The following BCAS3 variants were observed in gnomAD, a reference collection of about 807,000 sequenced individuals.
BCAS3 encodes the protein BCAS4/BCAS3 fusion.
A neutral mutation model predicts 116.1 loss-of-function variants in BCAS3; 53 were observed. That is an observed-to-expected ratio of 0.46 (90% CI 0.37 to 0.57). BCAS3 has a LOEUF of 0.57. Among genes scored for constraint, BCAS3 ranks in the 20% least tolerant of loss-of-function variants. The pLI is 0.00. For synonymous variants in BCAS3, 391 were observed against 408.2 expected (o/e 0.96, Z 0.51); for missense variants, 917 against 1,165.4 (o/e 0.79, Z 3.10).
At chr17:60,827,007 G>T (rs1340517655) in intron 7 of BCAS3, among the ~76,000 whole-genome samples, 1 of 152,112 alleles carries the variant, frequency 6.6e-6, no homozygotes, top group Non-Finnish European at 1.5e-5. Flanking sequence ...TTAACGTAAG[G>T]TTTATACTCC....
intron 5 of BCAS3, among the ~76,000 whole-genome samples, chr17:60,739,253 T>C (rs536685141): frequency 4.3e-4 from 66 of 152,332 alleles, no homozygotes; most frequent in African/African-American, 1.4e-3. Context: ...CATATATACA[T>C]ACACATACAT....
At chr17:61,052,009 G>A (rs1466885642) in intron 19 of BCAS3, among the ~76,000 whole-genome samples, 1 of 151,988 alleles carries the variant, frequency 6.6e-6, no homozygotes, top group Non-Finnish European at 1.5e-5. Flanking sequence ...AAAAACAATA[G>A]AGAAAAAGCA....
rs1227148000 is a variant in BCAS3, at chr17:61,151,120, TA to T, written c.2425+66557del. Among the ~76,000 whole-genome samples, 7 of 152,346 alleles carry T rather than the reference TA, an allele frequency of 4.6e-5. No individual in the cohort carries two copies. In the East Asian group the frequency reaches 1.3e-3, roughly 29 times the overall value. ...TGACTGTTACTGCTACTACTACTGC[TA>T]TTACAGGTTGACCATCCCAAATCCA... On this transcript the variant is annotated intron_variant, in intron 22 of 23. Transcript: ENST00000407086. The surrounding 1 kb of genome is among the most constrained non-coding windows in gnomAD (Gnocchi z 4.8).
rs1371353665 is a variant in BCAS3, at chr17:60,995,212, G to A, written c.1486+4977G>A. Reference sequence around the variant, plus strand: ...CTGTCTCCCAGGCTAGAGTGCAGTGGTGCAATCTTGGCTTGCTGCAACCTC... The same window carrying A: ...CTGTCTCCCAGGCTAGAGTGCAGTGATGCAATCTTGGCTTGCTGCAACCTC... On this transcript the variant is annotated intron_variant, in intron 15 of 23. Transcript: ENST00000407086. The surrounding 1 kb of genome is among the most constrained non-coding windows in gnomAD (Gnocchi z 4.7). 3.3e-5 allele frequency among the ~76,000 whole-genome samples: 5 copies of A among 152,044 alleles called. No homozygotes were observed. Among genetic ancestry groups the A allele is most frequent in the African/African-American group, 1.2e-4 (5 of 41,388 alleles).
At position 61,172,787 on chromosome 17, in the gene BCAS3, A is replaced by C. The variant is rs190983543; in HGVS notation, c.2425+88223A>C. Reference sequence around the variant, plus strand: ...GATCACGAGGTCCGGAGATCGAGACAATCCTGGCTAACACGGTGAAACCCA... The same window carrying C: ...GATCACGAGGTCCGGAGATCGAGACCATCCTGGCTAACACGGTGAAACCCA... On this transcript the variant is annotated intron_variant, in intron 22 of 23. Transcript: ENST00000407086. 1.8e-3 allele frequency among the ~76,000 whole-genome samples: 275 copies of C among 150,768 alleles called. 2 individuals are homozygous for C. The highest frequency in any genetic ancestry group is 5.4e-3 in the African/African-American group (224 of 41,110).
intron 12 of BCAS3, among the ~76,000 whole-genome samples, chr17:60,916,035 G>C (rs1279734437): frequency 1.3e-5 from 2 of 152,044 alleles, no homozygotes; most frequent in African/African-American, 4.8e-5. Flanking sequence ...GAATGTGTCA[G>C]TTTGTTCAAT....
intron 10 of BCAS3, among the ~76,000 whole-genome samples, chr17:60,902,057 A>G (rs1379865941): frequency 6.6e-6 from 1 of 152,224 alleles, no homozygotes; most frequent in African/African-American, 2.4e-5. Context: ...TGTCTTTTTC[A>G]TTCCTAATGG....
intron 10 of BCAS3, among the ~76,000 whole-genome samples, chr17:60,890,409 G>A (rs533540861): frequency 6.6e-6 from 1 of 151,812 alleles, no homozygotes; most frequent in Admixed American, 6.6e-5. Context: ...AGCTGAGATC[G>A]CACCACTGCA....
At chr17:61,297,204 T>C (rs1163000252) in intron 22 of BCAS3, among the ~76,000 whole-genome samples, 1 of 152,128 alleles carries the variant, frequency 6.6e-6, no homozygotes, top group Non-Finnish European at 1.5e-5. Context: ...TAGAATGCAA[T>C]AGAAAGGTGG....
rs1336538222 is a variant in BCAS3, at chr17:60,961,538, A to AG, written c.1221+14187dup. On this transcript the variant is annotated intron_variant, in intron 14 of 23. Transcript: ENST00000407086. This position sits in a 1 kb window ranked among gnomAD's most constrained non-coding sequence, Gnocchi z 4.8. ...AAATTTTCAATTTTGGAATCATTTT[A>AG]GAGTTACAGAAAAGTTGCAAAGATA... Among the ~76,000 whole-genome samples the AG allele has an allele frequency of 5.3e-5, 8 of 152,142 alleles. No homozygotes were observed. Among genetic ancestry groups the AG allele is most frequent in the Admixed American group, 1.3e-4 (2 of 15,274 alleles).
chr17:61,388,591 A>C lies in BCAS3; in HGVS notation c.2594-3386A>C. ...CGTTGTCCATATCTTTTCCAAAAAG[A>C]TTCCTCAATGCTTTTCTTTTCAAAA... On this transcript the variant is annotated intron_variant, in intron 23 of 23. Transcript: ENST00000407086. The surrounding 1 kb of genome is among the most constrained non-coding windows in gnomAD (Gnocchi z 6.5). 1 of 1,526,574 alleles carries C rather than the reference A, an allele frequency of 6.6e-7. No individual in the cohort carries two copies. The highest frequency in any genetic ancestry group is 2.5e-5 in the East Asian group (1 of 40,804). 94.6% of individuals were successfully genotyped at this position (1,526,574 alleles called of 1,614,324 possible).
At position 60,702,188 on chromosome 17, in the gene BCAS3, A is replaced by G. The variant is rs115323509; in HGVS notation, c.215-7031A>G. Among the ~76,000 whole-genome samples, 794 of 152,336 alleles carry G rather than the reference A, an allele frequency of 5.2e-3. 11 individuals carry two copies. The highest frequency in any genetic ancestry group is 0.018 in the African/African-American group (748 of 41,584). On this transcript the variant is annotated intron_variant, in intron 4 of 23. Transcript: ENST00000407086. ...AATTGAATTTTAACTGCATAAAATT[A>G]CCTGTAGTACATACTGTACTACTGT...
rs1350220683 is a variant in BCAS3 at position 60,910,678 on chromosome 17, C to T, written c.969C>T (p.Asp323=). The change falls in exon 12 of 24, where the codon GAC becomes GAT. Residue 323 remains aspartate, a synonymous_variant. Transcript: ENST00000407086. The stretch of plus-strand genomic sequence containing the variant: ...TCCCAGGCATCATCACAGTTATTGA[C>T]ACCGAAACCGTTGGAGAGGGCCAGG... ...PLVPGIITVI[D]TETVGEGQVL... The T allele has an allele frequency of 1.2e-6, 2 of 1,608,368 alleles. No individual in the cohort carries two copies. Among genetic ancestry groups the T allele is most frequent in the East Asian group, 2.3e-5 (1 of 44,282 alleles).
At chr17:60,718,719 T>C (rs1439714998) in intron 5 of BCAS3, among the ~76,000 whole-genome samples, 2 of 152,198 alleles carry the variant, frequency 1.3e-5, no homozygotes, top group Admixed American at 6.5e-5. Flanking sequence ...TTCTTGGCCA[T>C]TTATATATAT....
chr17:61,045,884 T>TA (rs1555684931), intron 19 of BCAS3, among the ~76,000 whole-genome samples: 2 of 42,366 alleles, frequency 4.7e-5, no homozygotes, highest in East Asian at 6.1e-4. Flanking sequence ...TAAATATATA[T>TA]TATATATATA....
intron 7 of BCAS3, among the ~76,000 whole-genome samples, chr17:60,843,471 G>A (rs908063737): frequency 1.3e-5 from 2 of 151,916 alleles, no homozygotes; most frequent in Admixed American, 6.6e-5. Context: ...CACCCGACTC[G>A]GCCTCCCAAA....
chr17:61,336,640 C>T (rs2056746721), intron 22 of BCAS3, among the ~76,000 whole-genome samples: 1 of 152,222 alleles, frequency 6.6e-6, no homozygotes, highest in African/African-American at 2.4e-5. Context: ...GTACTTTGTA[C>T]TGGGGCTTCA....
intron 22 of BCAS3, among the ~76,000 whole-genome samples, chr17:61,099,949 T>G (rs2074219029): frequency 6.6e-6 from 1 of 152,262 alleles, no homozygotes; most frequent in South Asian, 2.1e-4. Context: ...AGTGGTGTCA[T>G]TACAGTTTAG....
intron 6 of BCAS3, among the ~76,000 whole-genome samples, chr17:60,804,870 C>CT (rs983159164): frequency 6.6e-6 from 1 of 151,514 alleles, no homozygotes; most frequent in Admixed American, 6.6e-5. Context: ...TTATATAGTC[C>CT]TTTTTATTTT....
Sources: gnomAD v4.1 joint callset for allele counts (sites outside exome capture counted in the v4.1 genomes callset) on GRCh38, gnomAD v4.1.1 for gene constraint, Gnocchi (gnomAD v3.1) non-coding constraint, MANE v1.5 for transcripts, NCBI Gene and HGNC (gene_info 2026-07-23, HGNC 2026-07-21) for gene names.